Variants in RNF213 observed in about 807,000 individuals in gnomAD.
The protein encoded by RNF213 is ring finger protein 213.
In RNF213, 341 loss-of-function variants were observed where a neutral mutation model predicts 514.4. The observed-to-expected ratio is 0.66, with a 90% CI of 0.61 to 0.73. RNF213 has a LOEUF of 0.73. Among genes scored for constraint, RNF213 ranks in the 30% least tolerant of loss-of-function variants. The pLI, the probability that RNF213 is intolerant of heterozygous loss-of-function variation, is 0.00. For synonymous variants in RNF213, 2,655 were observed against 2,658.2 expected, an observed-to-expected ratio of 1.00 and a Z score of 0.04; for missense variants, 5,767 against 6,615.6, an observed-to-expected ratio of 0.87 and a Z score of 4.45.
intron 46 of RNF213, among the ~76,000 whole-genome samples, chr17:80,370,552 TC>T (rs1033042576): frequency 6.6e-6 from 1 of 152,220 alleles, no homozygotes; most frequent in African/African-American, 2.4e-5. Context: ...ATTGTTTTCT[TC>T]ACCGCCATGC....
chr17:80,327,509 C>G (rs1313302511), intron 18 of RNF213, among the ~76,000 whole-genome samples: 1 of 151,926 alleles, frequency 6.6e-6, no homozygotes, highest in Admixed American at 6.6e-5. Context: ...GTCAGTCCAT[C>G]CGTATACTGA....
chr17:80,263,470 A>C lies in RNF213; in HGVS notation c.-108-104A>C. 6.0e-6 allele frequency: 3 copies of C among 500,068 alleles called. No homozygotes were observed. The highest frequency in any genetic ancestry group is 1.1e-5 in the Non-Finnish European group (3 of 267,278). The allele number at this position is 500,068 out of a possible 1,614,324, so 31.0% of individuals were successfully genotyped here. The stretch of plus-strand genomic sequence containing the variant: ...CAGAGACTGCAAAAGCTTGAGAGCC[A>C]AGGGGGCAGCACAGAGCGGGGAGGG... On this transcript the variant is annotated intron_variant, in intron 1 of 67. Coordinates refer to ENST00000582970, the MANE Select transcript of RNF213 (RefSeq NM_001256071.3). This position sits in a 1 kb window ranked among gnomAD's most constrained non-coding sequence, Gnocchi z 4.9.
rs1468549771 is a variant in RNF213, at chr17:80,363,321, C to A, written c.11568+7C>A. 1.9e-6 allele frequency: 3 copies of A among 1,612,300 alleles called. No individual in the cohort carries two copies. On this transcript the variant is annotated splice_region_variant and intron_variant, in intron 40 of 67. Transcript: ENST00000582970. The stretch of plus-strand genomic sequence containing the variant: ...GCTGGCTGGATGTGAGATGGTATGG[C>A]CCTCCTCCGCCTGCCCTGAGCAAGC...
chr17:80,274,077 C>T (rs571192153), intron 3 of RNF213, among the ~76,000 whole-genome samples: 4 of 152,126 alleles, frequency 2.6e-5, no homozygotes, highest in East Asian at 3.9e-4. Flanking sequence ...CTTGCTGCTT[C>T]GGGGCAGGGA....
At position 80,340,308 on chromosome 17, in the gene RNF213, A is replaced by C. The variant is rs1209910463; in HGVS notation, c.5941A>C (p.Asn1981His). The C allele has an allele frequency of 6.2e-7, 1 of 1,613,876 alleles. No individual in the cohort carries two copies. The highest frequency in any genetic ancestry group is 1.3e-5 in the African/African-American group (1 of 75,062). Residue 1981 changes from asparagine to histidine, a missense_variant, in exon 26 of 68, where the codon AAT (asparagine) becomes CAT (histidine). Transcript: ENST00000582970. ...KQTLSAAAVF[N>H]DRLCVGIVAS... ...GACCCTGTCGGCGGCAGCCGTGTTC[A>C]ATGACCGGCTGTGTGTTGGGATCGT...
chr17:80,384,099 A>G (rs1225558381), intron 59 of RNF213, among the ~76,000 whole-genome samples, 171 bp downstream of exon 59: 1 of 152,224 alleles, frequency 6.6e-6, no homozygotes, highest in Non-Finnish European at 1.5e-5. Flanking sequence ...CATACATATC[A>G]AACTGTATGA....
At chr17:80,292,211 A>C (rs1414801381) in intron 8 of RNF213, among the ~76,000 whole-genome samples, 1 of 152,050 alleles carries the variant, frequency 6.6e-6, no homozygotes, top group African/African-American at 2.4e-5. Flanking sequence ...CAGCCTCCCG[A>C]GTAGCTGGGA....
chr17:80,349,321 A>G (rs537032919), intron 29 of RNF213, among the ~76,000 whole-genome samples: 1 of 152,274 alleles, frequency 6.6e-6, no homozygotes, highest in East Asian at 1.9e-4. Flanking sequence ...GGCCTCGAGG[A>G]ACGTTTCGAC....
rs751136602 is a variant in RNF213, at chr17:80,376,453, G to A, written c.13338G>A (p.Met4446Ile). The A allele has an allele frequency of 6.2e-7, 1 of 1,614,214 alleles. No individual in the cohort carries two copies. Among genetic ancestry groups the A allele is most frequent in the South Asian group, 1.1e-5 (1 of 91,074 alleles). Reference sequence around the variant, plus strand: ...ACCTTGATGGAACGGTGACAGAAATGGCCATTCATGCTGCAGCCGTCCTTC... The same window carrying A: ...ACCTTGATGGAACGGTGACAGAAATAGCCATTCATGCTGCAGCCGTCCTTC... ...DSNLDGTVTE[M>I]AIHAAAVLLC... is the part of the protein sequence containing the mutation. The change falls in exon 52 of 68, where the codon ATG becomes ATA. Residue 4446 changes from methionine (M) to isoleucine (I), a missense_variant. Coordinates refer to ENST00000582970, the MANE Select transcript of RNF213 (RefSeq NM_001256071.3).
chr17:80,310,808 TC>T (rs1326313570), intron 14 of RNF213, among the ~76,000 whole-genome samples: 1 of 152,218 alleles, frequency 6.6e-6, no homozygotes, highest in Non-Finnish European at 1.5e-5. Flanking sequence ...TGCCTCAGCC[TC>T]CCAAAGTGCT....
In RNF213 at chr17:80,383,691, C is replaced by T. The variant is rs779523960; in HGVS notation, c.14085C>T (p.Thr4695=). 9 of 1,613,912 alleles carry T rather than the reference C, an allele frequency of 5.6e-6. No homozygotes were observed. Among genetic ancestry groups the T allele is most frequent in the South Asian group, 1.1e-5 (1 of 91,060 alleles). The part of the protein sequence containing the change: ...ISPELEHLDK[T]LPTMNNLISQ... ...TCTCCATCCAGCATCTAGATAAAAC[C>T]CTTCCCACCATGAATAATCTCATCA... The change falls in exon 59 of 68, where the codon ACC becomes ACT. Residue 4695 remains threonine (T), a synonymous_variant. Transcript: ENST00000582970.
At chr17:80,312,152 A>G (rs2045593602) in intron 14 of RNF213, among the ~76,000 whole-genome samples, 2 of 151,930 alleles carry the variant, frequency 1.3e-5, no homozygotes. Context: ...AAAGAAAAAG[A>G]AAAGAAAAAG....
intron 15 of RNF213, among the ~76,000 whole-genome samples, chr17:80,313,653 GTGGAGGTGATGGTGGAGGTAA>G (rs1190451825): frequency 1.8e-4 from 27 of 147,862 alleles, no homozygotes; most frequent in Admixed American, 7.4e-4. Context: ...GGTGATGGTT[GTGGAGGTGATGGTGGAGGTAA>G]TGGAGGTGAT....
intron 8 of RNF213, among the ~76,000 whole-genome samples, chr17:80,292,740 TC>T (rs1454393958): frequency 1.3e-5 from 2 of 151,932 alleles, no homozygotes; most frequent in African/African-American, 2.4e-5. Context: ...ACTGTGTTGA[TC>T]ACCTGGACTC....
At position 80,390,215 on chromosome 17, in the gene RNF213, A is replaced by G. The variant is rs1599222602; in HGVS notation, c.15470+19A>G. 2 of 1,611,620 alleles carry G rather than the reference A, an allele frequency of 1.2e-6. No individual in the cohort carries two copies. Among genetic ancestry groups the G allele is most frequent in the Non-Finnish European group, 1.7e-6 (2 of 1,178,154 alleles). ...AGTGGAGGTATGGATTTGCACACCT[A>G]TGGGGCGGGGCAGACACAATGTTGT... On this transcript the variant is annotated intron_variant, in intron 67 of 67. Transcript: ENST00000582970.
intron 54 of RNF213, among the ~76,000 whole-genome samples, chr17:80,378,986 C>T (rs2079872701): frequency 1.3e-5 from 2 of 152,092 alleles, no homozygotes; most frequent in Admixed American, 1.3e-4. Flanking sequence ...CTGGCCCGGG[C>T]AACATGTTGA....
chr17:80,355,115 C>T (rs1331310290), intron 36 of RNF213: 22 of 450,864 alleles, frequency 4.9e-5, no homozygotes, highest in South Asian at 3.3e-4. Context: ...CAGAGGGTCT[C>T]TTTAAGACAG....
chr17:80,330,076 T>G (rs2046372989), intron 20 of RNF213, among the ~76,000 whole-genome samples: 1 of 152,184 alleles, frequency 6.6e-6, no homozygotes, highest in Non-Finnish European at 1.5e-5. Context: ...AGAACCAAAC[T>G]TTCTGCTTAG....
intron 67 of RNF213, 126 bp downstream of exon 67, chr17:80,390,322 AC>A: frequency 9.1e-7 from 1 of 1,099,426 alleles, no homozygotes; most frequent in Non-Finnish European, 1.3e-6. Context: ...TTTTGTCATT[AC>A]CAGGGCACCT....
Sources: gnomAD v4.1 joint callset for allele counts (sites outside exome capture counted in the v4.1 genomes callset) on GRCh38, gnomAD v4.1.1 for gene constraint, Gnocchi (gnomAD v3.1) non-coding constraint, MANE v1.5 for transcripts, NCBI Gene and HGNC (gene_info 2026-07-23, HGNC 2026-07-21) for gene names.